BMAL1: variants seen among roughly 807,000 people sequenced by gnomAD.
BMAL1 encodes the protein basic helix-loop-helix ARNT like 1.
the BMAL1 span, among the ~76,000 whole-genome samples, chr11:13,336,096 G>T: frequency 9.2e-5 from 14 of 152,302 alleles, no homozygotes; most frequent in South Asian, 2.7e-3. Flanking sequence ...TGGTTTCATA[G>T]CTCCTAGAAA....
chr11:13,300,181 T>C, the BMAL1 span, among the ~76,000 whole-genome samples: 1 of 152,204 alleles, frequency 6.6e-6, no homozygotes, highest in Non-Finnish European at 1.5e-5. Flanking sequence ...AAAATGGCCG[T>C]ATAATATTCT....
the BMAL1 span, among the ~76,000 whole-genome samples, chr11:13,336,511 G>C: frequency 6.6e-6 from 1 of 152,244 alleles, no homozygotes; most frequent in East Asian, 1.9e-4. Context: ...AGGCCAAGTT[G>C]GGTGGGTTGA....
chr11:13,303,864 G>C, the BMAL1 span, among the ~76,000 whole-genome samples: 2 of 152,220 alleles, frequency 1.3e-5, no homozygotes, highest in Admixed American at 1.3e-4. Flanking sequence ...CCTAAAAAAA[G>C]GAAGTGGGTT....
chr11:13,335,796 G>A, the BMAL1 span, among the ~76,000 whole-genome samples: 2 of 151,982 alleles, frequency 1.3e-5, no homozygotes, highest in Admixed American at 6.6e-5. Flanking sequence ...CTGGTGTAGC[G>A]GTGCCCCAAT....
the BMAL1 span, among the ~76,000 whole-genome samples, chr11:13,290,559 A>AT: frequency 8.1e-5 from 12 of 149,064 alleles, no homozygotes; most frequent in African/African-American, 2.7e-4. Context: ...ACAAGTGTAT[A>AT]TATTATTATT....
At chr11:13,286,608 A>G in the BMAL1 span, among the ~76,000 whole-genome samples, 1 of 152,178 alleles carries the variant, frequency 6.6e-6, no homozygotes, top group African/African-American at 2.4e-5. Context: ...AGTATATGGC[A>G]CTCAGCAATG....
At chr11:13,384,230 T>A in the BMAL1 span, among the ~76,000 whole-genome samples, 2 of 152,120 alleles carry the variant, frequency 1.3e-5, no homozygotes, top group Non-Finnish European at 2.9e-5. Context: ...AAAACTTGTC[T>A]CTGCTACTTT....
the BMAL1 span, among the ~76,000 whole-genome samples, chr11:13,311,958 G>C: frequency 6.6e-6 from 1 of 152,220 alleles, no homozygotes; most frequent in African/African-American, 2.4e-5. Flanking sequence ...ATGGGGACTT[G>C]AGGATAATTC....
the BMAL1 span, among the ~76,000 whole-genome samples, chr11:13,284,264 A>T: frequency 0.46 from 15,925 of 34,504 alleles, 3,672 homozygotes; most frequent in East Asian, 0.73. Flanking sequence ...ATATATATAT[A>T]TATTTTTTTT....
chr11:13,348,833 G>A, the BMAL1 span, among the ~76,000 whole-genome samples: 8 of 152,186 alleles, frequency 5.3e-5, no homozygotes, highest in South Asian at 4.1e-4. Context: ...AGTTGTATTC[G>A]CAGATATTCA....
chr11:13,364,373 A>G, the BMAL1 span, among the ~76,000 whole-genome samples: 3 of 152,234 alleles, frequency 2.0e-5, no homozygotes, highest in East Asian at 1.9e-4. Flanking sequence ...GCACAAGTAC[A>G]TGCACCATTC....
At chr11:13,346,886 C>T in the BMAL1 span, among the ~76,000 whole-genome samples, 11 of 152,212 alleles carry the variant, frequency 7.2e-5, no homozygotes, top group East Asian at 1.3e-3. Context: ...AGCCCACCCT[C>T]GGCAAGGATA....
At chr11:13,371,609 A>G in the BMAL1 span, among the ~76,000 whole-genome samples, 1 of 152,190 alleles carries the variant, frequency 6.6e-6, no homozygotes, top group South Asian at 2.1e-4. Context: ...TTCTGCACTT[A>G]AATACCTGTA....
chr11:13,372,562 C>A, the BMAL1 span, among the ~76,000 whole-genome samples: 1 of 152,168 alleles, frequency 6.6e-6, no homozygotes, highest in Non-Finnish European at 1.5e-5. Flanking sequence ...CAAATCCCAG[C>A]ACTTTTTGAG....
the BMAL1 span, among the ~76,000 whole-genome samples, chr11:13,284,938 C>G: frequency 6.6e-6 from 1 of 152,196 alleles, no homozygotes; most frequent in African/African-American, 2.4e-5. Context: ...CAGCCCTGTG[C>G]CCGAGGTTCA....
chr11:13,386,817 C>T, the BMAL1 span: 2 of 1,576,852 alleles, frequency 1.3e-6, no homozygotes, highest in Non-Finnish European at 8.7e-7. Context: ...TGGAGTTTTA[C>T]AGTCTGTGAA....
At chr11:13,312,041 C>A in the BMAL1 span, among the ~76,000 whole-genome samples, 1 of 152,216 alleles carries the variant, frequency 6.6e-6, no homozygotes, top group African/African-American at 2.4e-5. Context: ...GGTTTGAATT[C>A]TAAGTAGTTT....
At chr11:13,365,376 C>T in the BMAL1 span, 1 of 763,428 alleles carries the variant, frequency 1.3e-6, no homozygotes, top group East Asian at 2.9e-5. Flanking sequence ...CAGGATATCA[C>T]TGAAACTGTT....
the BMAL1 span, among the ~76,000 whole-genome samples, chr11:13,377,305 C>A: frequency 6.6e-6 from 1 of 152,198 alleles, no homozygotes; most frequent in South Asian, 2.1e-4. Context: ...ACAGAACCAC[C>A]TGGAGTCTCA....
Sources: gnomAD v4.1 joint callset for allele counts (sites outside exome capture counted in the v4.1 genomes callset) on GRCh38, gnomAD v4.1.1 for gene constraint, MANE v1.5 for transcripts, NCBI Gene and HGNC (gene_info 2026-07-23, HGNC 2026-07-21) for gene names.